The following PPAT variants were observed in gnomAD, a reference collection of about 807,000 sequenced individuals.
PPAT encodes amidophosphoribosyltransferase.
Under a neutral mutation model 60.2 loss-of-function variants are expected in PPAT, and 20 were observed. The ratio of observed to expected loss-of-function variants is 0.33; its 90% CI spans 0.23 to 0.48. The LOEUF is 0.48. Ranked by LOEUF, PPAT falls within the 20% of genes least tolerant of loss-of-function variation. PPAT has a pLI of 0.99. For synonymous variants in PPAT, 194 were observed against 215.1 expected, an observed-to-expected ratio of 0.90 and a Z score of 0.86; for missense variants, 349 against 629.6, an observed-to-expected ratio of 0.55 and a Z score of 4.77.
intron 1 of PPAT, among the ~76,000 whole-genome samples, chr4:56,417,996 A>C (rs983369778): frequency 1.3e-5 from 2 of 151,876 alleles, no homozygotes; most frequent in Non-Finnish European, 2.9e-5. Flanking sequence ...TGCACCACAC[A>C]CCCAACTAAT....
chr4:56,433,871 T>C (rs1717745545), intron 1 of PPAT, among the ~76,000 whole-genome samples: 1 of 152,172 alleles, frequency 6.6e-6, no homozygotes, highest in Admixed American at 6.5e-5. Flanking sequence ...ATTGTATTTT[T>C]AGCAGAGATG....
chr4:56,423,009 T>C (rs565133996), intron 1 of PPAT: 1 of 152,258 alleles, frequency 6.6e-6, no homozygotes, highest in African/African-American at 2.4e-5. Context: ...TACCCTCTGG[T>C]ATAGGGCACT....
At chr4:56,412,683 G>C (rs1200746954) in intron 1 of PPAT, among the ~76,000 whole-genome samples, 5 of 151,866 alleles carry the variant, frequency 3.3e-5, no homozygotes, top group African/African-American at 1.2e-4. Flanking sequence ...CTTGATTTTT[G>C]GTCAGTCACT....
intron 1 of PPAT, among the ~76,000 whole-genome samples, chr4:56,411,634 T>A (rs1298071524): frequency 1.2e-4 from 19 of 152,194 alleles, no homozygotes; most frequent in Admixed American, 1.2e-3. Context: ...GTCTAAATCT[T>A]ATAGATGCTA....
At position 56,403,091 on chromosome 4, in the gene PPAT, G is replaced by T; in HGVS notation, c.610C>A (p.Arg204Ser). The change falls in exon 5 of 11, where the codon CGT (arginine) becomes AGT (serine). Residue 204 changes from arginine to serine, a missense_variant. Physicochemically the swap from Arg to Ser is moderately radical, Grantham distance 110. Transcript: ENST00000264220. Reference protein sequence around the residue: ...IYAVRDPYGNRPLCIGRLIPV... With the variant: ...IYAVRDPYGNSPLCIGRLIPV... Reference sequence around the variant, plus strand: ...ATAAGACGACCAATGCATAAGGGACGATTTCCATAAGGATCTCGTACTGCA... The same window carrying T: ...ATAAGACGACCAATGCATAAGGGACTATTTCCATAAGGATCTCGTACTGCA... The T allele has an allele frequency of 6.2e-7, 1 of 1,612,954 alleles. No homozygotes were observed.
intron 8 of PPAT, chr4:56,399,991 A>G (rs1716072323): frequency 2.6e-5 from 4 of 152,294 alleles, no homozygotes; most frequent in African/African-American, 7.2e-5. Flanking sequence ...ACCCATACTT[A>G]GTAGCAAGCA....
intron 2 of PPAT, among the ~76,000 whole-genome samples, chr4:56,407,280 C>A (rs1179065689): frequency 6.6e-6 from 1 of 151,840 alleles, no homozygotes; most frequent in East Asian, 1.9e-4. Context: ...TATTAATGAT[C>A]ATCTGTCTTT....
chr4:56,407,826 C>T, intron 1 of PPAT, 110 bp from the exon 2 acceptor site: 1 of 808,800 alleles, frequency 1.2e-6, no homozygotes, highest in Non-Finnish European at 2.1e-6. Context: ...AGTGTGACAA[C>T]ACATTAAATG....
rs541677937 is a variant in PPAT at position 56,396,579 on chromosome 4, T to C, written c.1357+40A>G. 6.4e-7 allele frequency: 1 copy of C among 1,552,226 alleles called. No individual in the cohort carries two copies. Among genetic ancestry groups the C allele is most frequent in the Non-Finnish European group, 8.8e-7 (1 of 1,132,640 alleles). On this transcript the variant is annotated intron_variant, in intron 10 of 10. Transcript: ENST00000264220. This position sits in a 1 kb window ranked among gnomAD's most constrained non-coding sequence, Gnocchi z 4.6. ...AAAGACTGTCAAGCTTTGGATTTTC[T>C]CTGTTAATAATCAAAGTTTATAGAA...
intron 1 of PPAT, chr4:56,410,681 T>TA (rs1385314480): frequency 3.3e-5 from 33 of 986,458 alleles, no homozygotes; most frequent in Non-Finnish European, 3.9e-5. Flanking sequence ...ATACAGAGAC[T>TA]GGAAACAGTG....
intron 1 of PPAT, chr4:56,428,992 A>G: frequency 2.1e-6 from 2 of 975,600 alleles, no homozygotes; most frequent in African/African-American, 1.7e-5. Context: ...TCAAGAGAAA[A>G]GCACATGAAG....
intron 2 of PPAT, 38 bp downstream of exon 2, chr4:56,407,612 T>G (rs1441277241): frequency 6.6e-7 from 1 of 1,520,380 alleles, no homozygotes; most frequent in Non-Finnish European, 9.1e-7. Flanking sequence ...ACCACCGCAC[T>G]TGGTCTGTCA....
rs79670549 is a variant in PPAT at position 56,411,504 on chromosome 4, T to C, written c.129-3788A>G. ...TCTGAGACTAAGTGATTTACAGGGG[T>C]TTCTTGACGTGCTGTGTTGTTAAAC... On this transcript the variant is annotated intron_variant, in intron 1 of 10. Transcript: ENST00000264220. Among the ~76,000 whole-genome samples the C allele has an allele frequency of 3.0e-4, 46 of 152,222 alleles. 1 individual carries two copies. In the South Asian group the frequency reaches 7.1e-3, roughly 23 times the overall value.
At chr4:56,410,883 C>T (rs1716418533) in intron 1 of PPAT, 1 of 940,304 alleles carries the variant, frequency 1.1e-6, no homozygotes, top group Non-Finnish European at 1.2e-6. Flanking sequence ...AGTACAGCCC[C>T]AGAGACCACT....
intron 1 of PPAT, among the ~76,000 whole-genome samples, chr4:56,432,692 G>A (rs1717658497): frequency 6.6e-6 from 1 of 151,430 alleles, no homozygotes; most frequent in African/African-American, 2.4e-5. Context: ...GGCTGAGGCA[G>A]GAGAATGGCG....
At chr4:56,413,595 A>G (rs563856142) in intron 1 of PPAT, among the ~76,000 whole-genome samples, 20 of 152,268 alleles carry the variant, frequency 1.3e-4, no homozygotes, top group Admixed American at 3.9e-4. Flanking sequence ...TCCAAATTTG[A>G]TAAGTAAATA....
intron 1 of PPAT, chr4:56,408,094 C>T (rs1031965984): frequency 5.1e-5 from 9 of 176,556 alleles, no homozygotes; most frequent in Admixed American, 1.7e-4. Flanking sequence ...TATAGATTAA[C>T]TCACTTTCTT....
At chr4:56,434,754 C>T (rs148294378) in intron 1 of PPAT, among the ~76,000 whole-genome samples, 1 of 152,162 alleles carries the variant, frequency 6.6e-6, no homozygotes, top group African/African-American at 2.4e-5. Context: ...TATGTGAGAT[C>T]TACTACCAGT....
intron 1 of PPAT, among the ~76,000 whole-genome samples, chr4:56,433,941 C>A (rs925161767): frequency 6.6e-6 from 1 of 152,148 alleles, no homozygotes; most frequent in Admixed American, 6.5e-5. Context: ...CCGCCCGCCT[C>A]GGCCTCCCAA....
Sources: gnomAD v4.1 joint callset for allele counts (sites outside exome capture counted in the v4.1 genomes callset) on GRCh38, gnomAD v4.1.1 for gene constraint, Gnocchi (gnomAD v3.1) non-coding constraint, MANE v1.5 for transcripts, NCBI Gene and HGNC (gene_info 2026-07-23, HGNC 2026-07-21) for gene names.